Variants in PISD observed in about 807,000 individuals in gnomAD.
PISD encodes the protein phosphatidylserine decarboxylase, also known as phosphatidylserine decarboxylase proenzyme, mitochondrial.
A neutral mutation model predicts 43.5 loss-of-function variants in PISD; 31 were observed. That is an observed-to-expected ratio of 0.71 (90% CI 0.54 to 0.96). The LOEUF is 0.96. Among genes scored for constraint, PISD ranks in the 40% least tolerant of loss-of-function variants. The pLI, the probability that PISD is intolerant of heterozygous loss-of-function variation, is 0.00. For missense variants in PISD, 523 were observed against 548.4 expected, an observed-to-expected ratio of 0.95 and a Z score of 0.46; for synonymous variants, 259 against 228.7, an observed-to-expected ratio of 1.13 and a Z score of -1.20.
chr22:31,627,387 A>G (rs1242669134), intron 3 of PISD, among the ~76,000 whole-genome samples: 2 of 152,256 alleles, frequency 1.3e-5, no homozygotes, highest in Non-Finnish European at 2.9e-5. Context: ...GCCCAGGCCC[A>G]TAGACAGCCC....
In PISD at chr22:31,630,130, A is replaced by G. The variant is rs2073128632; in HGVS notation, c.322-8245T>C. 1 of 151,986 alleles carries G rather than the reference A, an allele frequency of 6.6e-6. No homozygotes were observed. The highest frequency in any genetic ancestry group is 2.1e-4 in the South Asian group (1 of 4,836). 9.4% of individuals were successfully genotyped at this position (151,986 alleles called of 1,614,324 possible). A position where few individuals can be genotyped will look rare whatever the true frequency, so the allele number is the denominator to read the frequency against. The stretch of plus-strand genomic sequence containing the variant: ...AGCAGGCAAACTTCCCAAGTAGGAG[A>G]CGGGGAAAATGGTCCTCCCTGGGCG... On this transcript the variant is annotated intron_variant, in intron 3 of 7. Transcript: ENST00000439502. This position sits in a 1 kb window ranked among gnomAD's most constrained non-coding sequence, Gnocchi z 4.4.
rs1014423794 is a variant in PISD, at chr22:31,619,081, A to G, written c.*531T>C. 4.1e-6 allele frequency: 1 copy of G among 243,092 alleles called. No individual in the cohort carries two copies. Among genetic ancestry groups the G allele is most frequent in the Non-Finnish European group, 8.2e-6 (1 of 121,390 alleles). The allele number at this position is 243,092 out of a possible 1,614,324, so 15.1% of individuals were successfully genotyped here. On this transcript the variant is annotated 3_prime_UTR_variant, in exon 8 of 8. Transcript: ENST00000439502. ...AGCACAAAGACTGCTTTTTCTAAAG[A>G]GCAGGATGAGGTGAATGTGGGAACG...
chr22:31,630,198 G>A lies in PISD; in HGVS notation c.322-8313C>T, dbSNP rs575596352. 6.6e-6 allele frequency among the ~76,000 whole-genome samples: 1 copy of A among 152,222 alleles called. No homozygotes were observed. Among genetic ancestry groups the A allele is most frequent in the East Asian group, 1.9e-4 (1 of 5,174 alleles). ...TGGCAGGCAGCCCAGGAGGCCCTGG[G>A]AAGAGGGCAGGCAGGACTCGCAGGG... On this transcript the variant is annotated intron_variant, in intron 3 of 7. Coordinates refer to ENST00000439502, the MANE Select transcript of PISD (RefSeq NM_001326411.2). The surrounding 1 kb of genome is among the most constrained non-coding windows in gnomAD (Gnocchi z 4.4).
At position 31,621,016 on chromosome 22, in the gene PISD, GAC is replaced by G; in HGVS notation, c.822_823del (p.Ser275ProfsTer27). ...CTGACCTGGGAAGTGGCGCCGGTGG[GAC>G]ACAGTCCAGTCGGTGGGGGAGTGGA... On this transcript the variant is annotated frameshift_variant, in exon 6 of 8. Coordinates refer to ENST00000439502, the MANE Select transcript of PISD (RefSeq NM_001326411.2). LOFTEE classifies it high-confidence loss of function. 1 of 1,613,434 alleles carries G rather than the reference GAC, an allele frequency of 6.2e-7. No individual in the cohort carries two copies. The highest frequency in any genetic ancestry group is 8.5e-7 in the Non-Finnish European group (1 of 1,179,694).
At chr22:31,641,691 A>G (rs907046977) in intron 3 of PISD, among the ~76,000 whole-genome samples, 2 of 150,914 alleles carry the variant, frequency 1.3e-5, no homozygotes, top group Non-Finnish European at 2.9e-5. Context: ...GTGGTGCCAC[A>G]AGCCTGTAAT....
intron 1 of PISD, among the ~76,000 whole-genome samples, chr22:31,653,646 C>T (rs1480446106): frequency 1.3e-5 from 2 of 152,174 alleles, no homozygotes; most frequent in Admixed American, 6.5e-5. Flanking sequence ...TTTGGTACAT[C>T]AGATTTAGGT....
At chr22:31,658,525 G>A (rs1442349767) in intron 1 of PISD, among the ~76,000 whole-genome samples, 1 of 150,150 alleles carries the variant, frequency 6.7e-6, no homozygotes, top group Non-Finnish European at 1.5e-5. Context: ...CTGTCTCCAT[G>A]GCATCCTGGT....
intron 3 of PISD, among the ~76,000 whole-genome samples, chr22:31,644,861 A>T (rs2073838619): frequency 6.6e-6 from 1 of 152,168 alleles, no homozygotes; most frequent in Admixed American, 6.5e-5. Flanking sequence ...ATGGTGGCTC[A>T]CGCCTGTAAT....
rs757089939 is a variant in PISD at position 31,662,190 on chromosome 22, G to T, written c.19C>A (p.His7Asn). The T allele has an allele frequency of 3.7e-6, 6 of 1,605,112 alleles. No homozygotes were observed. Among genetic ancestry groups the T allele is most frequent in the East Asian group, 4.5e-5 (2 of 44,896 alleles). The change falls in exon 1 of 8, where the codon CAC (histidine) becomes AAC (asparagine). Residue 7 changes from histidine to asparagine, a missense_variant. Physicochemically the swap from His to Asn is moderately conservative, Grantham distance 68 (BLOSUM62 1). Coordinates refer to ENST00000439502, the MANE Select transcript of PISD (RefSeq NM_001326411.2). ...CCGTGCAGTAATCCCAGACATCGGT[G>T]CCCCACGGACGTCGCCATCTTGTCT... MATSVG[H>N]RCLGLLHGVA...
Position 31,656,031 on chromosome 22 carries a change from C to T in PISD, c.66-5253G>A, listed in dbSNP as rs533381095. The stretch of plus-strand genomic sequence containing the variant: ...ACCACTGGCCAGGCTCAGTGGCTCA[C>T]GCCTGTAATCTCAGCACTTTGAGAG... On this transcript the variant is annotated intron_variant, in intron 1 of 7. Coordinates refer to ENST00000439502, the MANE Select transcript of PISD (RefSeq NM_001326411.2). 3.8e-4 allele frequency among the ~76,000 whole-genome samples: 58 copies of T among 152,158 alleles called. 1 individual carries two copies. The South Asian group carries it at 7.7e-3, about 20-fold the overall frequency.
chr22:31,656,124 T>C lies in PISD; in HGVS notation c.66-5346A>G, dbSNP rs567175673. Among the ~76,000 whole-genome samples, 306 of 151,782 alleles carry C rather than the reference T, an allele frequency of 2.0e-3. 1 individual carries two copies. The highest frequency in any genetic ancestry group is 6.7e-3 in the African/African-American group (277 of 41,398). On this transcript the variant is annotated intron_variant, in intron 1 of 7. Transcript: ENST00000439502. ...GCCTCGCCAATATGGTAAAACCCCG[T>C]CTCCACTAAAAATACAAAAAACTAG...
At position 31,634,606 on chromosome 22, in the gene PISD, G is replaced by T. The variant is rs142062770; in HGVS notation, c.322-12721C>A. ...TAATCCCAGCACTTTGGGAGGTCAA[G>T]GTGGGCAGATCACCTGAGGTGAGAA... On this transcript the variant is annotated intron_variant, in intron 3 of 7. Coordinates refer to ENST00000439502, the MANE Select transcript of PISD (RefSeq NM_001326411.2). 3.0e-4 allele frequency among the ~76,000 whole-genome samples: 45 copies of T among 152,284 alleles called. 1 individual carries two copies. The East Asian group carries it at 7.1e-3, about 24-fold the overall frequency.
chr22:31,620,830 G>GCTGA, intron 6 of PISD, 117 bp from the exon 7 acceptor site: 1 of 1,433,608 alleles, frequency 7.0e-7, no homozygotes. Flanking sequence ...CAAATGCTGA[G>GCTGA]CTGACTGGGC....
At chr22:31,656,987 G>T (rs1002301853) in intron 1 of PISD, among the ~76,000 whole-genome samples, 2 of 151,976 alleles carry the variant, frequency 1.3e-5, no homozygotes, top group Non-Finnish European at 2.9e-5. Context: ...AATTTTTCTG[G>T]GTATGTAGTA....
Position 31,619,698 on chromosome 22 carries a change from G to A in PISD, c.1144C>T (p.Leu382Phe), listed in dbSNP as rs1159534878. ...GEFNLGSTIV[L>F]IFEAPKDFNF... ...AAGTCCTTGGGGGCCTCGAAGATGA[G>A]CACGATGGTGGAGCCCAGGTTGAAC... is the stretch of plus-strand genomic sequence containing the variant. Residue 382 changes from leucine (L) to phenylalanine (F), a missense_variant, in exon 8 of 8, where the codon CTC (leucine) becomes TTC (phenylalanine). Leu to Phe is a conservative substitution (Grantham distance 22, BLOSUM62 0). Transcript: ENST00000439502. The A allele has an allele frequency of 6.2e-7, 1 of 1,614,234 alleles. No homozygotes were observed. The highest frequency in any genetic ancestry group is 1.1e-5 in the South Asian group (1 of 91,086).
chr22:31,648,771 AT>A (rs2073954399), intron 2 of PISD, among the ~76,000 whole-genome samples: 1 of 152,092 alleles, frequency 6.6e-6, no homozygotes, highest in Non-Finnish European at 1.5e-5. Context: ...CTGTCTCCAA[AT>A]TCTGTCAGTA....
chr22:31,623,604 C>A (rs1397185052), intron 3 of PISD: 1 of 1,365,540 alleles, frequency 7.3e-7, no homozygotes, highest in Admixed American at 2.4e-5. Flanking sequence ...CAGCTCGCCA[C>A]CACCTCAGTC....
chr22:31,662,241 C>A (rs748786359), upstream of PISD: 29 of 1,594,482 alleles, frequency 1.8e-5, no homozygotes, highest in Non-Finnish European at 2.3e-5. Flanking sequence ...GCCACGCCCC[C>A]TTCACACGCT....
chr22:31,655,953 G>C (rs2074159431), intron 1 of PISD, among the ~76,000 whole-genome samples: 1 of 152,070 alleles, frequency 6.6e-6, no homozygotes, highest in Non-Finnish European at 1.5e-5. Context: ...TCATTTTTAA[G>C]TCCTTTCTTT....
Sources: allele counts gnomAD v4.1 joint callset (sites outside exome capture counted in the v4.1 genomes callset), GRCh38; gene constraint gnomAD v4.1.1; non-coding constraint Gnocchi (gnomAD v3.1); transcripts MANE v1.5; gene names NCBI Gene and HGNC (gene_info 2026-07-23, HGNC 2026-07-21).